SNTG1: variants seen among roughly 807,000 people sequenced by gnomAD.
SNTG1 encodes the protein syntrophin gamma 1.
Under a neutral mutation model 74.7 loss-of-function variants are expected in SNTG1, and 39 were observed. The observed-to-expected ratio is 0.52, with a 90% CI of 0.40 to 0.68. The LOEUF (loss-of-function observed/expected upper bound fraction) is 0.68. Ranked by LOEUF, SNTG1 falls within the 30% of genes least tolerant of loss-of-function variation. SNTG1 has a pLI of 0.00. For missense variants in SNTG1, 685 were observed against 609.5 expected (o/e 1.12, Z -1.30); for synonymous variants, 254 against 217.1 (o/e 1.17, Z -1.49).
At chr8:50,537,364 A>G (rs571528040) in intron 11 of SNTG1, among the ~76,000 whole-genome samples, 1 of 152,286 alleles carries the variant, frequency 6.6e-6, no homozygotes, top group East Asian at 1.9e-4. Context: ...AAGTGCTGGG[A>G]TTATAGGCAT....
chr8:50,359,176 G>T (rs992547062), intron 2 of SNTG1, among the ~76,000 whole-genome samples: 1 of 152,070 alleles, frequency 6.6e-6, no homozygotes, highest in East Asian at 1.9e-4. Flanking sequence ...CCCAAAATAG[G>T]CATGCCATTT....
chr8:50,659,572 T>C (rs2095206230), intron 15 of SNTG1, among the ~76,000 whole-genome samples: 1 of 152,182 alleles, frequency 6.6e-6, no homozygotes, highest in Admixed American at 6.5e-5. Flanking sequence ...TTGTTTATAG[T>C]TTCTGTTCCT....
intron 1 of SNTG1, among the ~76,000 whole-genome samples, chr8:49,938,652 CT>C: frequency 3.1e-5 from 1 of 32,038 alleles, no homozygotes; most frequent in African/African-American, 7.7e-5. Flanking sequence ...TCCTTCCTCT[CT>C]CTCTCTCTTC....
chr8:50,500,250 A>G (rs1003795995), intron 8 of SNTG1, among the ~76,000 whole-genome samples: 1 of 142,610 alleles, frequency 7.0e-6, no homozygotes, highest in African/African-American at 2.6e-5. Flanking sequence ...TTTGGTCTAT[A>G]TACTCTATTG....
intron 1 of SNTG1, among the ~76,000 whole-genome samples, chr8:49,966,631 A>T (rs980509447): frequency 1.3e-5 from 2 of 151,974 alleles, no homozygotes; most frequent in Non-Finnish European, 2.9e-5. Flanking sequence ...CTGACCTCAA[A>T]TGATCCATCC....
Position 50,795,411 on chromosome 8 carries a change from T to A in SNTG1, c.*2582T>A, listed in dbSNP as rs1285801230. 2 of 152,190 alleles carry A rather than the reference T, an allele frequency of 1.3e-5. No individual in the cohort carries two copies. The highest frequency in any genetic ancestry group is 3.9e-4 in the East Asian group (2 of 5,174). The allele number at this position is 152,190 out of a possible 1,614,324, so 9.4% of individuals were successfully genotyped here. On this transcript the variant is annotated 3_prime_UTR_variant, in exon 19 of 19. Coordinates refer to ENST00000642720, the MANE Select transcript of SNTG1 (RefSeq NM_018967.5). ...AAAGCTTTGAAATGAACAAAAACAC[T>A]TAAAAATTTCTATCTCTCATATAAT...
chr8:50,732,856 C>G (rs1049260763), intron 17 of SNTG1, among the ~76,000 whole-genome samples: 1 of 151,790 alleles, frequency 6.6e-6, no homozygotes, highest in South Asian at 2.1e-4. Context: ...ACAGGTTCTC[C>G]TATGGTTGTT....
intron 1 of SNTG1, among the ~76,000 whole-genome samples, chr8:49,926,008 G>C (rs1318213465): frequency 3.3e-5 from 5 of 152,252 alleles, no homozygotes; most frequent in Middle Eastern, 3.4e-3. Context: ...GGTAGACCAG[G>C]TACTAGAGAA....
At chr8:50,479,198 T>C (rs946292603) in intron 8 of SNTG1, among the ~76,000 whole-genome samples, 1 of 152,128 alleles carries the variant, frequency 6.6e-6, no homozygotes, top group Non-Finnish European at 1.5e-5. Flanking sequence ...GAAAGTAGTT[T>C]GGGGATGATT....
chr8:50,646,762 C>A (rs1180646154), intron 13 of SNTG1, among the ~76,000 whole-genome samples: 1 of 152,100 alleles, frequency 6.6e-6, no homozygotes, highest in Non-Finnish European at 1.5e-5. Flanking sequence ...AAAACCAACA[C>A]CATACTGAAG....
At chr8:50,033,186 C>G (rs963503058) in intron 1 of SNTG1, among the ~76,000 whole-genome samples, 2 of 151,466 alleles carry the variant, frequency 1.3e-5, no homozygotes, top group Admixed American at 1.3e-4. Flanking sequence ...TGCAATGGCA[C>G]TATGTCAGCT....
intron 1 of SNTG1, among the ~76,000 whole-genome samples, chr8:49,917,830 A>G (rs1179088788): frequency 1.3e-5 from 2 of 152,230 alleles, no homozygotes; most frequent in Admixed American, 1.3e-4. Context: ...GAGGCTAGCC[A>G]GTGAGATCTG....
rs146557805 is a variant in SNTG1, at chr8:50,413,951, C to T, written c.162+11607C>T. Among the ~76,000 whole-genome samples the T allele has an allele frequency of 6.9e-3, 1,050 of 152,256 alleles. 2 individuals carry two copies. Among genetic ancestry groups the T allele is most frequent in the South Asian group, 0.012 (57 of 4,820 alleles). ...ATTTGCCTCATAGTATTTTACATCA[C>T]GATTATACATTTGATATCTCCTTTC... On this transcript the variant is annotated intron_variant, in intron 4 of 18. Transcript: ENST00000642720.
chr8:50,210,164 G>C (rs1018959622), intron 2 of SNTG1, among the ~76,000 whole-genome samples: 2 of 152,086 alleles, frequency 1.3e-5, no homozygotes, highest in African/African-American at 4.8e-5. Context: ...GAAGTGAGAA[G>C]AGAAGTTTAG....
intron 1 of SNTG1, among the ~76,000 whole-genome samples, chr8:50,016,141 C>T (rs1816291685): frequency 6.6e-6 from 1 of 152,040 alleles, no homozygotes; most frequent in African/African-American, 2.4e-5. Context: ...TGACCATGAT[C>T]TTCTTTTCGT....
At chr8:50,307,661 G>A (rs1471449880) in intron 2 of SNTG1, among the ~76,000 whole-genome samples, 1 of 151,770 alleles carries the variant, frequency 6.6e-6, no homozygotes, top group Non-Finnish European at 1.5e-5. Context: ...TGAAACATTA[G>A]GTCATAATTT....
At chr8:50,443,351 C>T (rs74662438) in intron 5 of SNTG1, among the ~76,000 whole-genome samples, 13,703 of 152,102 alleles carry the variant, frequency 0.09, 1,915 homozygotes, top group African/African-American at 0.3. Context: ...TATTTTCCAA[C>T]AGACACAATT....
intron 1 of SNTG1, among the ~76,000 whole-genome samples, chr8:50,017,348 G>A (rs2130637263): frequency 6.6e-6 from 1 of 152,014 alleles, no homozygotes; most frequent in Non-Finnish European, 1.5e-5. Flanking sequence ...GACAGGAATG[G>A]ATGAATAAAG....
chr8:50,033,033 G>A (rs1263754283), intron 1 of SNTG1, among the ~76,000 whole-genome samples: 1 of 150,316 alleles, frequency 6.7e-6, no homozygotes, highest in Non-Finnish European at 1.5e-5. Context: ...TCTTGGGTTT[G>A]TTTTAGAAAA....
Sources: gnomAD v4.1 joint callset for allele counts (sites outside exome capture counted in the v4.1 genomes callset) on GRCh38, gnomAD v4.1.1 for gene constraint, MANE v1.5 for transcripts, NCBI Gene and HGNC (gene_info 2026-07-23, HGNC 2026-07-21) for gene names.